AQP1: variants seen among roughly 807,000 people sequenced by gnomAD.
AQP1 encodes the protein aquaporin 1 (Colton blood group), also known as aquaporin-1.
In AQP1, 11 loss-of-function variants were observed where a neutral mutation model predicts 19.7. The ratio of observed to expected loss-of-function variants is 0.56; its 90% CI spans 0.35 to 0.92. The LOEUF is 0.92. Among genes scored for constraint, AQP1 ranks in the 40% least tolerant of loss-of-function variants. The pLI is 0.01. For synonymous variants in AQP1, 159 were observed against 166.7 expected (o/e 0.95, Z 0.36); for missense variants, 320 against 369.7 (o/e 0.87, Z 1.10).
Position 30,921,477 on chromosome 7 carries a change from G to A in AQP1, c.385-589G>A, listed in dbSNP as rs561208577. Reference sequence around the variant, plus strand: ...CTTGGACCAAGGAAAGAGACGGGGTGGAGAAGGAGAGAGAGAGGGTGGAGA... The same window carrying A: ...CTTGGACCAAGGAAAGAGACGGGGTAGAGAAGGAGAGAGAGAGGGTGGAGA... On this transcript the variant is annotated intron_variant, in intron 1 of 3. Transcript: ENST00000311813. 7 of 1,474,910 alleles carry A rather than the reference G, an allele frequency of 4.7e-6. No homozygotes were observed. The South Asian group carries it at 5.7e-5, about 12-fold the overall frequency. 91.4% of individuals were successfully genotyped at this position (1,474,910 alleles called of 1,614,324 possible).
At chr7:30,915,051 C>G (rs1395500837) in intron 1 of AQP1, among the ~76,000 whole-genome samples, 1 of 152,254 alleles carries the variant, frequency 6.6e-6, no homozygotes, top group Non-Finnish European at 1.5e-5. Context: ...ACACAACAGA[C>G]TGGCCTGTGT....
At chr7:30,919,397 A>AGGGC (rs1156359874) in intron 1 of AQP1, among the ~76,000 whole-genome samples, 1 of 152,160 alleles carries the variant, frequency 6.6e-6, no homozygotes, top group African/African-American at 2.4e-5. Flanking sequence ...TGGGCTTACA[A>AGGGC]GGGCTTAGCA....
chr7:30,916,828 A>G (rs1026127894), intron 1 of AQP1, among the ~76,000 whole-genome samples: 1 of 152,100 alleles, frequency 6.6e-6, no homozygotes, highest in South Asian at 2.1e-4. Flanking sequence ...CTCTAAGTCA[A>G]TAAGCTCCCT....
intron 1 of AQP1, among the ~76,000 whole-genome samples, chr7:30,915,039 T>C (rs1164629010): frequency 6.6e-6 from 1 of 152,220 alleles, no homozygotes; most frequent in African/African-American, 2.4e-5. Context: ...CCATGTGGCA[T>C]CACACAACAG....
chr7:30,921,593 C>T (rs867023718), intron 1 of AQP1: 20 of 1,549,242 alleles, frequency 1.3e-5, no homozygotes, highest in Middle Eastern at 1.7e-4. Flanking sequence ...TAGATGCAGT[C>T]GGGCATGGGG....
chr7:30,917,104 G>A (rs1791376296), intron 1 of AQP1, among the ~76,000 whole-genome samples: 1 of 152,206 alleles, frequency 6.6e-6, no homozygotes, highest in South Asian at 2.1e-4. Context: ...CCATTTTACT[G>A]ATGGGGAAAC....
chr7:30,911,892 G>A lies in AQP1; in HGVS notation c.-18G>A, dbSNP rs913890293. On this transcript the variant is annotated 5_prime_UTR_variant, in exon 1 of 4. Transcript: ENST00000311813. The stretch of plus-strand genomic sequence containing the variant: ...ATTGAGCACCCGGCAGCGGTCTCAG[G>A]CCAAGCCCCCTGCCAGCATGGCCAG... 6 of 1,612,634 alleles carry A rather than the reference G, an allele frequency of 3.7e-6. No individual in the cohort carries two copies. The highest frequency in any genetic ancestry group is 1.7e-4 in the Middle Eastern group (1 of 5,870).
intron 1 of AQP1, 34 bp from the exon 2 acceptor site, chr7:30,922,032 C>T (rs763226593): frequency 1.9e-6 from 3 of 1,612,458 alleles, no homozygotes; most frequent in East Asian, 4.5e-5. Context: ...TGCCTACCCT[C>T]CTCACCAGTC....
intron 1 of AQP1, among the ~76,000 whole-genome samples, chr7:30,918,872 C>A (rs79622920): frequency 6.6e-6 from 1 of 152,224 alleles, no homozygotes; most frequent in Admixed American, 6.5e-5. Flanking sequence ...GAGTGGCCAG[C>A]CCATTGACCT....
At chr7:30,922,685 C>T in intron 3 of AQP1, 41 bp downstream of exon 3, 1 of 1,571,018 alleles carries the variant, frequency 6.4e-7, no homozygotes. Flanking sequence ...GCTTTGGTGT[C>T]CCATGGTAAG....
intron 2 of AQP1, 41 bp downstream of exon 2, chr7:30,922,271 G>T: frequency 6.5e-7 from 1 of 1,544,152 alleles, no homozygotes; most frequent in South Asian, 1.2e-5. Context: ...GGGGAAGGGA[G>T]GGCGGGGGCT....
chr7:30,912,375 A>T lies in AQP1; in HGVS notation c.384+82A>T. The T allele has an allele frequency of 6.5e-7, 1 of 1,550,088 alleles. No individual in the cohort carries two copies. The highest frequency in any genetic ancestry group is 8.7e-7 in the Non-Finnish European group (1 of 1,148,946). ...GTTCCATCCTCTGCCCATTGTGCAG[A>T]TGGGGACACTGAGGAACGGAGAGGA... On this transcript the variant is annotated intron_variant, in intron 1 of 3. Transcript: ENST00000311813. This position sits in a 1 kb window ranked among gnomAD's most constrained non-coding sequence, Gnocchi z 4.3.
rs762728666 is a variant in AQP1 at position 30,922,648 on chromosome 7, G to A, written c.630+4G>A. The A allele has an allele frequency of 3.1e-6, 5 of 1,613,552 alleles. No homozygotes were observed. The highest frequency in any genetic ancestry group is 4.2e-6 in the Non-Finnish European group (5 of 1,179,454). On this transcript the variant is annotated splice_donor_region_variant and intron_variant, in intron 3 of 3. Coordinates refer to ENST00000311813, the MANE Select transcript of AQP1 (RefSeq NM_198098.4). ...ACACAACTTCAGCAACCACTGGGTA[G>A]GAGACCCACGGGGGGTGGGGTGGGA...
chr7:30,920,220 TG>T (rs1183642464), intron 1 of AQP1, among the ~76,000 whole-genome samples: 2 of 152,166 alleles, frequency 1.3e-5, no homozygotes, highest in Non-Finnish European at 2.9e-5. Context: ...GGGGAAGGGC[TG>T]GTTTCAGGAC....
intron 1 of AQP1, chr7:30,921,430 C>T: frequency 7.0e-7 from 1 of 1,438,140 alleles, no homozygotes; most frequent in Non-Finnish European, 9.1e-7. Context: ...GAGGGCAGGG[C>T]CAGAAGCAAT....
chr7:30,923,419 A>C lies in AQP1; in HGVS notation c.631-31A>C, dbSNP rs1324180782. Reference sequence around the variant, plus strand: ...ACGCTTCCCAGGGGCTTTTGAGTGGAGCCCTCTGAACACACCTGCTCTGTT... The same window carrying C: ...ACGCTTCCCAGGGGCTTTTGAGTGGCGCCCTCTGAACACACCTGCTCTGTT... On this transcript the variant is annotated intron_variant, in intron 3 of 3. Transcript: ENST00000311813. The surrounding 1 kb of genome is among the most constrained non-coding windows in gnomAD (Gnocchi z 4.8). 1 of 1,613,238 alleles carries C rather than the reference A, an allele frequency of 6.2e-7. No homozygotes were observed. Among genetic ancestry groups the C allele is most frequent in the East Asian group, 2.2e-5 (1 of 44,860 alleles).
intron 1 of AQP1, among the ~76,000 whole-genome samples, chr7:30,916,396 A>T (rs1327738872): frequency 6.6e-6 from 1 of 152,220 alleles, no homozygotes; most frequent in East Asian, 1.9e-4. Context: ...CATGGCCCTT[A>T]CCTTCTGGAA....
chr7:30,921,214 G>A lies in AQP1; in HGVS notation c.385-852G>A, dbSNP rs1303875014. ...GAAGGTGCTGGGGCTTCCTGGGGAGGGGTCCTCCGGGGGCAGCTGCATGGG... is the reference window on the plus strand; with the variant it reads ...GAAGGTGCTGGGGCTTCCTGGGGAGAGGTCCTCCGGGGGCAGCTGCATGGG... On this transcript the variant is annotated intron_variant, in intron 1 of 3. Coordinates refer to ENST00000311813, the MANE Select transcript of AQP1 (RefSeq NM_198098.4). 2.9e-6 allele frequency: 3 copies of A among 1,050,732 alleles called. No homozygotes were observed. In the East Asian group the frequency reaches 1.8e-4, roughly 64 times the overall value. The allele number at this position is 1,050,732 out of a possible 1,614,324, so 65.1% of individuals were successfully genotyped here.
rs1791184311 is a variant in AQP1 at position 30,912,179 on chromosome 7, C to T, written c.270C>T (p.Ser90=). 2 of 1,612,650 alleles carry T rather than the reference C, an allele frequency of 1.2e-6. No homozygotes were observed. The highest frequency in any genetic ancestry group is 8.5e-7 in the Non-Finnish European group (1 of 1,180,042). ...TLGLLLSCQI[S]IFRALMYIIA... ...GGCTGCTGCTCAGCTGCCAGATCAG[C>T]ATCTTCCGTGCCCTCATGTACATCA... Residue 90 remains serine (S), a synonymous_variant, in exon 1 of 4, where the codon AGC becomes AGT. Transcript: ENST00000311813. This position sits in a 1 kb window ranked among gnomAD's most constrained non-coding sequence, Gnocchi z 4.3.
Sources: allele counts gnomAD v4.1 joint callset (sites outside exome capture counted in the v4.1 genomes callset), GRCh38; gene constraint gnomAD v4.1.1; non-coding constraint Gnocchi (gnomAD v3.1); transcripts MANE v1.5; gene names NCBI Gene and HGNC (gene_info 2026-07-23, HGNC 2026-07-21).